GPC6: variants seen among roughly 807,000 people sequenced by gnomAD.
GPC6 encodes glypican-6.
Under a neutral mutation model 55.2 loss-of-function variants are expected in GPC6, and 14 were observed. The observed-to-expected ratio is 0.25, with a 90% confidence interval of 0.17 to 0.40. The LOEUF (loss-of-function observed/expected upper bound fraction) is 0.40. GPC6 is among the 10% of genes least tolerant of loss of function. GPC6 has a pLI of 1.00. For missense variants in GPC6, 641 were observed against 708.5 expected (o/e 0.90, Z 1.08); for synonymous variants, 278 against 259.6 (o/e 1.07, Z -0.68).
At chr13:94,098,890 A>C (rs916338688) in intron 4 of GPC6, among the ~76,000 whole-genome samples, 1 of 152,128 alleles carries the variant, frequency 6.6e-6, no homozygotes, top group Non-Finnish European at 1.5e-5. Context: ...TTTTTTGCTC[A>C]ATATAGTCAG....
rs114743817 is a variant in GPC6 at position 93,680,822 on chromosome 13, G to A, written c.319+135401G>A. Among the ~76,000 whole-genome samples, 1,194 of 152,136 alleles carry A rather than the reference G, an allele frequency of 7.8e-3. 27 individuals are homozygous for A. Among genetic ancestry groups the A allele is most frequent in the African/African-American group, 0.027 (1,131 of 41,494 alleles). On this transcript the variant is annotated intron_variant, in intron 2 of 8. Coordinates refer to ENST00000377047, the MANE Select transcript of GPC6 (RefSeq NM_005708.5). The stretch of plus-strand genomic sequence containing the variant: ...TCCAAGTATGTGTTATTCGTTTTTG[G>A]CCTCCCTTTTTGAGAGTCTTTCTAT...
intron 3 of GPC6, among the ~76,000 whole-genome samples, chr13:93,912,620 G>A (rs1403590493): frequency 1.3e-5 from 2 of 152,166 alleles, no homozygotes; most frequent in South Asian, 2.1e-4. Flanking sequence ...GCGGGCGCCT[G>A]TAGTCCCAGC....
intron 1 of GPC6, among the ~76,000 whole-genome samples, chr13:93,337,823 A>G (rs1387298306): frequency 1.3e-5 from 2 of 152,212 alleles, no homozygotes; most frequent in African/African-American, 2.4e-5. Context: ...TCCAAGGCTG[A>G]AAATGGAGAA....
intron 4 of GPC6, among the ~76,000 whole-genome samples, chr13:94,085,138 G>T (rs1413632642): frequency 6.6e-6 from 1 of 151,468 alleles, no homozygotes; most frequent in Admixed American, 6.6e-5. Flanking sequence ...CCTGGCCAAC[G>T]TGGTGAAACC....
chr13:94,270,352 G>A (rs975349565), intron 4 of GPC6, among the ~76,000 whole-genome samples: 7 of 152,194 alleles, frequency 4.6e-5, no homozygotes, highest in Non-Finnish European at 8.8e-5. Context: ...TAAGACAATT[G>A]CTACAGAGGT....
intron 3 of GPC6, among the ~76,000 whole-genome samples, chr13:93,836,316 A>G (rs1050034737): frequency 2.0e-5 from 3 of 152,250 alleles, no homozygotes; most frequent in Admixed American, 6.5e-5. Context: ...TCAATTTACA[A>G]GAGAAATTGT....
At chr13:93,753,770 A>G (rs1314118039) in intron 2 of GPC6, among the ~76,000 whole-genome samples, 1 of 148,784 alleles carries the variant, frequency 6.7e-6, no homozygotes, top group Non-Finnish European at 1.5e-5. Flanking sequence ...TCATCCTTTC[A>G]CTCTCTGTCT....
At chr13:93,831,243 C>A (rs1293187952) in intron 3 of GPC6, among the ~76,000 whole-genome samples, 1 of 152,098 alleles carries the variant, frequency 6.6e-6, no homozygotes, top group Admixed American at 6.5e-5. Flanking sequence ...CATCTCTATA[C>A]CTTGGATATA....
At chr13:94,257,764 G>A (rs1594104456) in intron 4 of GPC6, among the ~76,000 whole-genome samples, 2 of 152,100 alleles carry the variant, frequency 1.3e-5, no homozygotes, top group African/African-American at 4.8e-5. Context: ...TCATTTTATT[G>A]TAATACTGCA....
At position 93,227,549 on chromosome 13, in the gene GPC6, AG is replaced by A. The variant is rs1246812076; in HGVS notation, c.94del (p.Glu32ArgfsTer26). On this transcript the variant is annotated frameshift_variant, in exon 1 of 9. Transcript: ENST00000377047. LOFTEE classifies it high-confidence loss of function. This position sits in a 1 kb window ranked among gnomAD's most constrained non-coding sequence, Gnocchi z 4.3. ...GADVKARSCG[E>X]VRQAYGAKGF... ...CGGATGTGAAGGCTCGGAGCTGCGG[AG>A]AGGTCCGCCAGGCGTACGGTGCCAA... 2 of 1,613,230 alleles carry A rather than the reference AG, an allele frequency of 1.2e-6. No individual in the cohort carries two copies. The highest frequency in any genetic ancestry group is 1.7e-6 in the Non-Finnish European group (2 of 1,179,620).
chr13:94,108,539 T>G (rs1242596776), intron 4 of GPC6, among the ~76,000 whole-genome samples: 1 of 152,034 alleles, frequency 6.6e-6, no homozygotes, highest in Non-Finnish European at 1.5e-5. Context: ...AAATAAGAAA[T>G]TTTTAAAAAA....
chr13:93,683,445 T>C (rs906138015), intron 2 of GPC6, among the ~76,000 whole-genome samples: 5 of 152,154 alleles, frequency 3.3e-5, no homozygotes, highest in African/African-American at 1.2e-4. Context: ...TTCATTTGTA[T>C]TTAATAATTA....
rs1368001309 is a variant in GPC6 at position 93,735,740 on chromosome 13, G to A, written c.320-94414G>A. Among the ~76,000 whole-genome samples, 6 of 152,276 alleles carry A rather than the reference G, an allele frequency of 3.9e-5. No individual in the cohort carries two copies. The East Asian group carries it at 5.8e-4, about 15-fold the overall frequency. On this transcript the variant is annotated intron_variant, in intron 2 of 8. Coordinates refer to ENST00000377047, the MANE Select transcript of GPC6 (RefSeq NM_005708.5). The stretch of plus-strand genomic sequence containing the variant: ...ACTACCTGTAACAAGGCTGCCTGAC[G>A]CATTCTAGGGGACACCATTGTATTA...
chr13:93,483,172 G>A (rs1047859216), intron 1 of GPC6, among the ~76,000 whole-genome samples: 1 of 152,150 alleles, frequency 6.6e-6, no homozygotes. Flanking sequence ...CAAGGGCATG[G>A]AGACATACGT....
chr13:94,112,368 G>A (rs960789324), intron 4 of GPC6, among the ~76,000 whole-genome samples: 5 of 152,062 alleles, frequency 3.3e-5, no homozygotes, highest in Non-Finnish European at 7.4e-5. Context: ...AATGTGCTAG[G>A]GTGACCTAAT....
At chr13:93,870,725 G>A (rs941094656) in intron 3 of GPC6, among the ~76,000 whole-genome samples, 21 of 151,906 alleles carry the variant, frequency 1.4e-4, no homozygotes, top group African/African-American at 2.4e-4. Flanking sequence ...GGAAAACTGC[G>A]TGAACCTACA....
chr13:93,262,407 T>C lies in GPC6; in HGVS notation c.160+34791T>C, dbSNP rs1877182826. Among the ~76,000 whole-genome samples the C allele has an allele frequency of 2.0e-5, 3 of 152,178 alleles. No homozygotes were observed. In the South Asian group the frequency reaches 6.2e-4, roughly 32 times the overall value. Reference sequence around the variant, plus strand: ...TGCGAAATTAAATGTGATGAAGGCCTACAGTCCATTAAAACTTGCACAATT... The same window carrying C: ...TGCGAAATTAAATGTGATGAAGGCCCACAGTCCATTAAAACTTGCACAATT... On this transcript the variant is annotated intron_variant, in intron 1 of 8. Coordinates refer to ENST00000377047, the MANE Select transcript of GPC6 (RefSeq NM_005708.5).
At chr13:93,771,544 G>A (rs1885294796) in intron 2 of GPC6, among the ~76,000 whole-genome samples, 1 of 152,008 alleles carries the variant, frequency 6.6e-6, no homozygotes. Flanking sequence ...TCTTTGTCTT[G>A]GTTCACAACA....
At chr13:94,008,777 C>G (rs1456068838) in intron 3 of GPC6, among the ~76,000 whole-genome samples, 1 of 152,128 alleles carries the variant, frequency 6.6e-6, no homozygotes, top group Non-Finnish European at 1.5e-5. Context: ...CTAAATTTCT[C>G]TTCAATTTGC....
Sources: gnomAD v4.1 joint callset for allele counts (sites outside exome capture counted in the v4.1 genomes callset) on GRCh38, gnomAD v4.1.1 for gene constraint, Gnocchi (gnomAD v3.1) non-coding constraint, MANE v1.5 for transcripts, NCBI Gene and HGNC (gene_info 2026-07-23, HGNC 2026-07-21) for gene names.